The following GLI3 variants were observed in gnomAD, a reference collection of about 807,000 sequenced individuals.
GLI3 encodes the protein GLI family zinc finger 3, also known as transcription activator GLI3.
In GLI3, 20 loss-of-function variants were observed where a neutral mutation model predicts 100.8. The observed-to-expected ratio is 0.20, with a 90% CI of 0.14 to 0.29. GLI3 has a LOEUF of 0.29. Among genes scored for constraint, GLI3 ranks in the 10% least tolerant of loss-of-function variants. The pLI is 1.00. For synonymous variants in GLI3, 938 were observed against 860.5 expected (o/e 1.09, Z -1.58); for missense variants, 2,040 against 2,128.5 (o/e 0.96, Z 0.82).
chr7:42,226,463 G>A (rs1788584160), intron 1 of GLI3, among the ~76,000 whole-genome samples: 1 of 152,140 alleles, frequency 6.6e-6, no homozygotes, highest in Non-Finnish European at 1.5e-5. Context: ...ATAGAGAGAG[G>A]CTCAAGTGAG....
chr7:42,214,612 T>G (rs1788337072), intron 2 of GLI3, among the ~76,000 whole-genome samples: 1 of 146,756 alleles, frequency 6.8e-6, no homozygotes, highest in South Asian at 2.1e-4. Context: ...CAAAGTCCAA[T>G]CTATATAAGT....
chr7:42,168,083 G>A (rs907143500), intron 2 of GLI3, among the ~76,000 whole-genome samples: 2 of 152,076 alleles, frequency 1.3e-5, no homozygotes, highest in Non-Finnish European at 2.9e-5. Context: ...AGTAAATCAA[G>A]AAAAACTGAT....
chr7:41,999,317 C>G (rs1013071625), intron 10 of GLI3, among the ~76,000 whole-genome samples: 3 of 152,166 alleles, frequency 2.0e-5, no homozygotes, highest in Admixed American at 6.5e-5. Flanking sequence ...CACAGAGCAG[C>G]GTAGTCTTGA....
intron 2 of GLI3, among the ~76,000 whole-genome samples, chr7:42,199,003 T>C (rs1368354870): frequency 6.6e-6 from 1 of 151,900 alleles, no homozygotes; most frequent in African/African-American, 2.4e-5. Context: ...AGGCATTTTT[T>C]CCCCAAAATT....
Position 42,223,199 on chromosome 7 carries a change from A to G in GLI3, c.55T>C (p.Ser19Pro), listed in dbSNP as rs769148448. ...GTTCGAGTGGAGCACTTCACTATGGAATTCTCAACTTTTTTCTTTTCAGTG... is the reference window on the plus strand; with the variant it reads ...GTTCGAGTGGAGCACTTCACTATGGGATTCTCAACTTTTTTCTTTTCAGTG... ...TTTEKKKVENSIVKCSTRTDV... is the reference protein window; with the variant it reads ...TTTEKKKVENPIVKCSTRTDV... The change falls in exon 2 of 15, where the codon TCC (serine) becomes CCC (proline). Residue 19 changes from serine (S) to proline (P), a missense_variant. Coordinates refer to ENST00000395925, the MANE Select transcript of GLI3 (RefSeq NM_000168.6). The G allele has an allele frequency of 6.2e-7, 1 of 1,613,794 alleles. No individual in the cohort carries two copies. The highest frequency in any genetic ancestry group is 1.3e-5 in the African/African-American group (1 of 74,882).
rs542815106 is a variant in GLI3 at position 42,262,477 on chromosome 7, C to T, written c.-43+1517G>A. On this transcript the variant is annotated intron_variant, in intron 1 of 2. Coordinates refer to the GLI3 transcript ENST00000678978. ...GTATAACCATGTTGCCCAGGCTTGT[C>T]TCAAACTCCTGGGCTCAAGCCATCC... 3.3e-5 allele frequency among the ~76,000 whole-genome samples: 5 copies of T among 152,226 alleles called. No individual in the cohort carries two copies. In the East Asian group the frequency reaches 9.7e-4, roughly 29 times the overall value.
Position 41,975,744 on chromosome 7 carries a change from G to C in GLI3, c.1812+1814C>G, listed in dbSNP as rs564043762. ...GGTCCATAAAAAGACAAAAAAGCTTGGTAATTGTCTTTATATGTGTGCATT... is the reference window on the plus strand; with the variant it reads ...GGTCCATAAAAAGACAAAAAAGCTTCGTAATTGTCTTTATATGTGTGCATT... On this transcript the variant is annotated intron_variant, in intron 12 of 14. Coordinates refer to ENST00000395925, the MANE Select transcript of GLI3 (RefSeq NM_000168.6). Among the ~76,000 whole-genome samples, 4 of 152,124 alleles carry C rather than the reference G, an allele frequency of 2.6e-5. No homozygotes were observed. The East Asian group carries it at 7.7e-4, about 29-fold the overall frequency.
chr7:42,263,593 C>T (rs113058767), intron 1 of GLI3, among the ~76,000 whole-genome samples: 2,738 of 152,140 alleles, frequency 0.018, 29 homozygotes, highest in Middle Eastern at 0.034. Context: ...ATTACAGGAG[C>T]GTGCCACCAT....
At chr7:42,231,473 G>A (rs1019806605) in intron 1 of GLI3, among the ~76,000 whole-genome samples, 1 of 152,170 alleles carries the variant, frequency 6.6e-6, no homozygotes, top group Non-Finnish European at 1.5e-5. Flanking sequence ...TGCCTTGCAT[G>A]TACAAAACTG....
At chr7:42,100,207 G>C (rs1785429713) in intron 3 of GLI3, among the ~76,000 whole-genome samples, 1 of 152,194 alleles carries the variant, frequency 6.6e-6, no homozygotes. Context: ...CAGATAAAGG[G>C]ACTGTGACTG....
At chr7:42,211,564 G>T (rs949003294) in intron 2 of GLI3, among the ~76,000 whole-genome samples, 1 of 152,220 alleles carries the variant, frequency 6.6e-6, no homozygotes, top group African/African-American at 2.4e-5. Context: ...TTACATTGAT[G>T]TAAGTTCCAT....
chr7:42,030,359 A>G (rs1040896978), intron 7 of GLI3, among the ~76,000 whole-genome samples: 2 of 152,156 alleles, frequency 1.3e-5, no homozygotes, highest in Admixed American at 1.3e-4. Context: ...TAACCTATTC[A>G]CAGGTCCTGG....
At chr7:41,978,871 A>G (rs965284142) in intron 10 of GLI3, 123 bp from the exon 11 acceptor site, 5 of 857,510 alleles carry the variant, frequency 5.8e-6, no homozygotes, top group Non-Finnish European at 5.6e-6. Context: ...GAATAACTTT[A>G]CCATATTACA....
chr7:42,032,542 T>TC, intron 7 of GLI3, among the ~76,000 whole-genome samples: 1 of 152,276 alleles, frequency 6.6e-6, no homozygotes, highest in East Asian at 1.9e-4. Context: ...AATATTCAAA[T>TC]CAAATGGATA....
intron 1 of GLI3, among the ~76,000 whole-genome samples, chr7:42,230,845 G>A (rs914711431): frequency 6.6e-6 from 1 of 152,152 alleles, no homozygotes; most frequent in Non-Finnish European, 1.5e-5. Context: ...CACTTTCTAC[G>A]GGGTTAGCTG....
At chr7:42,052,986 T>C (rs1168236285) in intron 4 of GLI3, among the ~76,000 whole-genome samples, 1 of 152,132 alleles carries the variant, frequency 6.6e-6, no homozygotes, top group African/African-American at 2.4e-5. Flanking sequence ...CATTTGTCAG[T>C]TATTGTGGCT....
At position 42,189,811 on chromosome 7, in the gene GLI3, A is replaced by C. The variant is rs1787789146; in HGVS notation, c.124+33319T>G. On this transcript the variant is annotated intron_variant, in intron 2 of 14. Transcript: ENST00000395925. ...TCTGCTGATTATTAACAACAGGATGAATCATTTCCTTTCTTGGATTATAAG... is the reference window on the plus strand; with the variant it reads ...TCTGCTGATTATTAACAACAGGATGCATCATTTCCTTTCTTGGATTATAAG... Among the ~76,000 whole-genome samples, 4 of 152,214 alleles carry C rather than the reference A, an allele frequency of 2.6e-5. No individual in the cohort carries two copies. The South Asian group carries it at 8.3e-4, about 31-fold the overall frequency.
intron 3 of GLI3, among the ~76,000 whole-genome samples, chr7:42,127,522 G>A (rs1208886145): frequency 1.3e-5 from 2 of 152,146 alleles, no homozygotes; most frequent in Non-Finnish European, 2.9e-5. Context: ...CTTAGACAGG[G>A]CCAGTTTCTA....
At chr7:42,114,973 C>T (rs1265809357) in intron 3 of GLI3, among the ~76,000 whole-genome samples, 1 of 151,624 alleles carries the variant, frequency 6.6e-6, no homozygotes, top group Non-Finnish European at 1.5e-5. Flanking sequence ...AAATATTGAG[C>T]TTACAGGCTT....
Sources: gnomAD v4.1 joint callset for allele counts (sites outside exome capture counted in the v4.1 genomes callset) on GRCh38, gnomAD v4.1.1 for gene constraint, MANE v1.5 for transcripts, NCBI Gene and HGNC (gene_info 2026-07-23, HGNC 2026-07-21) for gene names.